B3GAT2: variants seen among roughly 807,000 people sequenced by gnomAD.
B3GAT2 encodes beta-1,3-glucuronyltransferase 2.
A neutral mutation model predicts 27.8 loss-of-function variants in B3GAT2; 26 were observed. The ratio of observed to expected loss-of-function variants is 0.93; its 90% CI spans 0.68 to 1.30. The LOEUF is 1.30. B3GAT2 is among the 50% of genes most tolerant of loss of function. The pLI, the probability that B3GAT2 is intolerant of heterozygous loss-of-function variation, is 0.00. For synonymous variants in B3GAT2, 218 were observed against 195.1 expected, an observed-to-expected ratio of 1.12 and a Z score of -0.98; for missense variants, 458 against 459.0, an observed-to-expected ratio of 1.00 and a Z score of 0.02.
intron 2 of B3GAT2, 97 bp from the exon 3 acceptor site, chr6:70,862,075 A>C (rs745542163): frequency 8.9e-6 from 10 of 1,122,952 alleles, no homozygotes; most frequent in Non-Finnish European, 1.2e-5. Flanking sequence ...AGTTTTTAAA[A>C]TACCTACTGT....
chr6:70,920,368 C>T (rs1772847298), intron 1 of B3GAT2, among the ~76,000 whole-genome samples: 1 of 152,242 alleles, frequency 6.6e-6, no homozygotes, highest in Non-Finnish European at 1.5e-5. Flanking sequence ...CCCCTGACCC[C>T]TTGCACTTCC....
chr6:70,934,755 C>T (rs1773114975), intron 1 of B3GAT2, among the ~76,000 whole-genome samples: 1 of 152,078 alleles, frequency 6.6e-6, no homozygotes, highest in Non-Finnish European at 1.5e-5. Context: ...AAAAAGTTGA[C>T]CTAATAGGAA....
At chr6:70,927,040 G>T (rs897760110) in intron 1 of B3GAT2, among the ~76,000 whole-genome samples, 6 of 152,134 alleles carry the variant, frequency 3.9e-5, no homozygotes, top group African/African-American at 1.4e-4. Flanking sequence ...TTAAAGAAAA[G>T]AATTTTTAAC....
In B3GAT2 at chr6:70,859,866, A is replaced by G. The variant is rs1180277611; in HGVS notation, c.*1797T>C. ...ATAATTTTAGACTATTTTACTTCCTAAAATTTTCTTACTCCTTAGTAGTTA... is the reference window on the plus strand; with the variant it reads ...ATAATTTTAGACTATTTTACTTCCTGAAATTTTCTTACTCCTTAGTAGTTA... On this transcript the variant is annotated 3_prime_UTR_variant, in exon 4 of 4. Coordinates refer to ENST00000230053, the MANE Select transcript of B3GAT2 (RefSeq NM_080742.3). The G allele has an allele frequency of 5.0e-6, 1 of 199,110 alleles. No homozygotes were observed. Among genetic ancestry groups the G allele is most frequent in the Non-Finnish European group, 1.0e-5 (1 of 98,648 alleles). The allele number at this position is 199,110 out of a possible 1,614,324, so 12.3% of individuals were successfully genotyped here. A position where few individuals can be genotyped will look rare whatever the true frequency, so the allele number is the denominator to read the frequency against.
In B3GAT2 at chr6:70,857,614, A is replaced by G. The variant is rs112170435; in HGVS notation, c.*4049T>C. On this transcript the variant is annotated 3_prime_UTR_variant, in exon 4 of 4. Transcript: ENST00000230053. ...GGGGGACCAGTGGTACAAATCAGCA[A>G]TAAAACAGTGTATGATGTCATGCTA... 17 of 316,796 alleles carry G rather than the reference A, an allele frequency of 5.4e-5. No homozygotes were observed. Among genetic ancestry groups the G allele is most frequent in the African/African-American group, 4.3e-5 (2 of 46,564 alleles). The allele number at this position is 316,796 out of a possible 1,614,324, so 19.6% of individuals were successfully genotyped here. A position where few individuals can be genotyped will look rare whatever the true frequency, so the allele number is the denominator to read the frequency against.
Position 70,859,917 on chromosome 6 carries a change from AAGTT to A in B3GAT2, c.*1742_*1745del, listed in dbSNP as rs1049672572. 7.3e-5 allele frequency: 20 copies of A among 272,658 alleles called. No homozygotes were observed. Among genetic ancestry groups the A allele is most frequent in the Admixed American group, 1.5e-4 (3 of 20,582 alleles). The allele number at this position is 272,658 out of a possible 1,614,324, so 16.9% of individuals were successfully genotyped here. On this transcript the variant is annotated 3_prime_UTR_variant, in exon 4 of 4. Transcript: ENST00000230053. ...AAGCACAATATCCTAGTGTAGGTGA[AAGTT>A]AGTTAGAGTAGCGGACTCATTAAAA...
Position 70,857,090 on chromosome 6 carries a change from TATA to T in B3GAT2, c.*4570_*4572del, listed in dbSNP as rs1383411588. 6.9e-7 allele frequency: 1 copy of T among 1,442,096 alleles called. No homozygotes were observed. The highest frequency in any genetic ancestry group is 9.3e-7 in the Non-Finnish European group (1 of 1,075,290). The allele number at this position is 1,442,096 out of a possible 1,614,324, so 89.3% of individuals were successfully genotyped here. ...ACTAGAAGTACATCCTTTGTAATTA[TATA>T]ATAAGATCAATTATATATCTTTTAT... On this transcript the variant is annotated 3_prime_UTR_variant, in exon 4 of 4. Coordinates refer to ENST00000230053, the MANE Select transcript of B3GAT2 (RefSeq NM_080742.3).
intron 1 of B3GAT2, among the ~76,000 whole-genome samples, chr6:70,925,199 C>G (rs1772933502): frequency 6.6e-6 from 1 of 152,382 alleles, no homozygotes; most frequent in East Asian, 1.9e-4. Flanking sequence ...CGAAGAGGAA[C>G]AGCTCTAGTC....
At chr6:70,937,001 C>T (rs1302116284) in intron 1 of B3GAT2, among the ~76,000 whole-genome samples, 1 of 151,810 alleles carries the variant, frequency 6.6e-6, no homozygotes, top group Non-Finnish European at 1.5e-5. Flanking sequence ...ATTGATAGAC[C>T]ACTAGCAAGA....
At chr6:70,939,237 T>C (rs578160190) in intron 1 of B3GAT2, among the ~76,000 whole-genome samples, 1 of 125,206 alleles carries the variant, frequency 8.0e-6, no homozygotes, top group South Asian at 3.1e-4. Flanking sequence ...CATTAAAAAG[T>C]CAGGAAACAA....
chr6:70,955,290 G>C (rs113549267), intron 1 of B3GAT2, among the ~76,000 whole-genome samples: 199 of 152,054 alleles, frequency 1.3e-3, no homozygotes, highest in African/African-American at 4.6e-3. Context: ...TTCCGTGCCA[G>C]TGGGCCGCAA....
At chr6:70,888,326 C>T (rs963167428) in intron 2 of B3GAT2, among the ~76,000 whole-genome samples, 1 of 151,958 alleles carries the variant, frequency 6.6e-6, no homozygotes, top group Non-Finnish European at 1.5e-5. Context: ...ATTTTCTACA[C>T]ATAAATTACG....
In B3GAT2 at chr6:70,903,949, T is replaced by C. The variant is rs545125552; in HGVS notation, c.592-9677A>G. ...CCTTGTGCCTGAATGTTCAAACAGT[T>C]TCACTCATAATATCCATAAGCTGGA... On this transcript the variant is annotated intron_variant, in intron 1 of 3. Coordinates refer to ENST00000230053, the MANE Select transcript of B3GAT2 (RefSeq NM_080742.3). 3.7e-4 allele frequency among the ~76,000 whole-genome samples: 57 copies of C among 152,226 alleles called. 1 individual carries two copies. In the East Asian group the frequency reaches 9.8e-3, roughly 26 times the overall value.
chr6:70,939,826 A>G (rs1765359685), intron 1 of B3GAT2, among the ~76,000 whole-genome samples: 1 of 152,112 alleles, frequency 6.6e-6, no homozygotes, highest in Non-Finnish European at 1.5e-5. Context: ...GCACACCAGC[A>G]TGGCACATGT....
intron 1 of B3GAT2, among the ~76,000 whole-genome samples, chr6:70,947,198 A>C (rs1046630016): frequency 6.6e-6 from 1 of 151,930 alleles, no homozygotes; most frequent in African/African-American, 2.4e-5. Context: ...AAACACATTC[A>C]AAAGCTAGCA....
chr6:70,913,344 G>T (rs1194402327), intron 1 of B3GAT2, among the ~76,000 whole-genome samples: 1 of 152,128 alleles, frequency 6.6e-6, no homozygotes, highest in Non-Finnish European at 1.5e-5. Flanking sequence ...GTGTCGCAGA[G>T]ATTTTGGTAT....
At position 70,859,973 on chromosome 6, in the gene B3GAT2, T is replaced by TTAAG. The variant is rs891516640; in HGVS notation, c.*1686_*1689dup. On this transcript the variant is annotated 3_prime_UTR_variant, in exon 4 of 4. Coordinates refer to ENST00000230053, the MANE Select transcript of B3GAT2 (RefSeq NM_080742.3). ...CCCAAGATTGCTTTGGTATTTTTTTTTAAGTAAGTTGTGGTTAATCTTTGG... is the reference window on the plus strand; with the variant it reads ...CCCAAGATTGCTTTGGTATTTTTTTTTAAGTAAGTAAGTTGTGGTTAATCTTTGG... 4 of 403,134 alleles carry TTAAG rather than the reference T, an allele frequency of 9.9e-6. No individual in the cohort carries two copies. The highest frequency in any genetic ancestry group is 4.3e-5 in the Admixed American group (1 of 23,510). The allele number at this position is 403,134 out of a possible 1,614,324, so 25.0% of individuals were successfully genotyped here.
chr6:70,935,073 G>A (rs1469180405), intron 1 of B3GAT2, among the ~76,000 whole-genome samples: 1 of 151,918 alleles, frequency 6.6e-6, no homozygotes, highest in Non-Finnish European at 1.5e-5. Context: ...ATAGGGAGAT[G>A]ACTTTGAACC....
intron 1 of B3GAT2, among the ~76,000 whole-genome samples, chr6:70,912,810 T>C (rs1273000799): frequency 2.0e-5 from 3 of 152,168 alleles, no homozygotes; most frequent in Non-Finnish European, 4.4e-5. Context: ...CAGGGCTTTT[T>C]TGGTTGGTAG....
Sources: gnomAD v4.1 joint callset for allele counts (sites outside exome capture counted in the v4.1 genomes callset) on GRCh38, gnomAD v4.1.1 for gene constraint, MANE v1.5 for transcripts, NCBI Gene and HGNC (gene_info 2026-07-23, HGNC 2026-07-21) for gene names.